The following MED9 variants were observed in gnomAD, a reference collection of about 807,000 sequenced individuals.
The protein encoded by MED9 is mediator complex subunit 9.
In MED9, 8 loss-of-function variants were observed where a neutral mutation model predicts 13.2. The observed-to-expected ratio is 0.61, with a 90% CI of 0.36 to 1.10. The LOEUF (loss-of-function observed/expected upper bound fraction) is 1.10, where lower values mean the gene tolerates loss of function less well. Ranked by LOEUF, MED9 falls within the 50% of genes least tolerant of loss-of-function variation. MED9 has a pLI of 0.02. For missense variants in MED9, 180 were observed against 193.4 expected (o/e 0.93, Z 0.41); for synonymous variants, 87 against 82.8 (o/e 1.05, Z -0.28).
intron 1 of MED9, among the ~76,000 whole-genome samples, chr17:17,479,949 G>A (rs1905002653): frequency 6.6e-6 from 1 of 152,158 alleles, no homozygotes; most frequent in Admixed American, 6.5e-5. Context: ...CTAGTGCAAG[G>A]ACCCCCTGGA....
At chr17:17,491,214 T>A in intron 1 of MED9, 65 bp from the exon 2 acceptor site, 1 of 1,413,392 alleles carries the variant, frequency 7.1e-7, no homozygotes. Context: ...CTCTAGGGGG[T>A]GCAGGGCAGG....
At chr17:17,484,858 C>G (rs1905097766) in intron 1 of MED9, among the ~76,000 whole-genome samples, 1 of 152,160 alleles carries the variant, frequency 6.6e-6, no homozygotes, top group African/African-American at 2.4e-5. Flanking sequence ...AAATGCCAGG[C>G]AAGCATTTAC....
In MED9 at chr17:17,492,801, G is replaced by A. The variant is rs1905266520; in HGVS notation, c.*1306G>A. ...GTTGGGTGGAGATGTTTTTAGCAGAGCTTCCATTAGTGTAGACCTGTAGCC... is the reference window on the plus strand; with the variant it reads ...GTTGGGTGGAGATGTTTTTAGCAGAACTTCCATTAGTGTAGACCTGTAGCC... On this transcript the variant is annotated 3_prime_UTR_variant, in exon 2 of 2. Transcript: ENST00000268711. 6.6e-6 allele frequency: 1 copy of A among 152,294 alleles called. No individual in the cohort carries two copies. Among genetic ancestry groups the A allele is most frequent in the African/African-American group, 2.4e-5 (1 of 41,460 alleles). 9.4% of individuals were successfully genotyped at this position (152,294 alleles called of 1,614,324 possible).
intron 1 of MED9, among the ~76,000 whole-genome samples, chr17:17,481,248 C>G (rs910688452): frequency 6.6e-6 from 1 of 152,204 alleles, no homozygotes; most frequent in Admixed American, 6.5e-5. Flanking sequence ...CTCTCTGGCC[C>G]TGGGTCCCTT....
At chr17:17,489,539 G>A (rs1254463621) in intron 1 of MED9, among the ~76,000 whole-genome samples, 2 of 152,022 alleles carry the variant, frequency 1.3e-5, no homozygotes, top group African/African-American at 2.4e-5. Flanking sequence ...AATTCGTAAC[G>A]GTATGTTAAC....
Position 17,490,865 on chromosome 17 carries a change from T to C in MED9, c.225-414T>C, listed in dbSNP as rs1597852915. Among the ~76,000 whole-genome samples the C allele has an allele frequency of 3.3e-5, 5 of 152,256 alleles. No homozygotes were observed. In the South Asian group the frequency reaches 8.3e-4, roughly 25 times the overall value. ...TGGCATTTGTCACCTGATATTGGTA[T>C]TGGTTTGTTCATTGAACCAACATGT... On this transcript the variant is annotated intron_variant, in intron 1 of 1. Transcript: ENST00000268711.
chr17:17,488,968 C>G (rs1269238589), intron 1 of MED9, among the ~76,000 whole-genome samples: 1 of 152,208 alleles, frequency 6.6e-6, no homozygotes, highest in Non-Finnish European at 1.5e-5. Context: ...TGGCCGATGA[C>G]TAACCTTGAA....
In MED9 at chr17:17,477,177, T is replaced by C; in HGVS notation, c.136T>C (p.Ser46Pro). The change falls in exon 1 of 2, where the codon TCG (serine) becomes CCG (proline). Residue 46 changes from serine (S) to proline (P), a missense_variant. Physicochemically the swap from Ser to Pro is moderately conservative, Grantham distance 74. Coordinates refer to ENST00000268711, the MANE Select transcript of MED9 (RefSeq NM_018019.3). ...PPVPAPQPQQ[S>P]PAPRPQSPAR... The stretch of plus-strand genomic sequence containing the variant: ...GGTCCCTGCGCCTCAACCGCAGCAG[T>C]CGCCGGCGCCACGGCCTCAGTCACC... 3 of 1,610,192 alleles carry C rather than the reference T, an allele frequency of 1.9e-6. No homozygotes were observed. The highest frequency in any genetic ancestry group is 2.2e-5 in the East Asian group (1 of 44,788).
In MED9 at chr17:17,477,201, C is replaced by T. The variant is rs1364866648; in HGVS notation, c.160C>T (p.Pro54Ser). The T allele has an allele frequency of 6.2e-7, 1 of 1,610,662 alleles. No homozygotes were observed. Among genetic ancestry groups the T allele is most frequent in the Non-Finnish European group, 8.5e-7 (1 of 1,178,174 alleles). ...QQSPAPRPQSPARAREEENYS... is the reference protein window; with the variant it reads ...QQSPAPRPQSSARAREEENYS... ...GTCGCCGGCGCCACGGCCTCAGTCA[C>T]CTGCCCGCGCGAGGGAGGAAGAGAA... Residue 54 changes from proline to serine, a missense_variant, in exon 1 of 2, where the codon CCT becomes TCT. Pro to Ser is a moderately conservative substitution (Grantham distance 74, BLOSUM62 -1). Transcript: ENST00000268711.
intron 1 of MED9, among the ~76,000 whole-genome samples, chr17:17,490,633 C>T (rs1483534012): frequency 6.6e-6 from 1 of 152,202 alleles, no homozygotes; most frequent in East Asian, 1.9e-4. Context: ...AGAAGAGAGC[C>T]TGTGTCTGCT....
chr17:17,481,738 T>C (rs1905036559), intron 1 of MED9, among the ~76,000 whole-genome samples: 2 of 152,250 alleles, frequency 1.3e-5, no homozygotes. Flanking sequence ...TTATTCTTGC[T>C]ATTACCAGCA....
At position 17,491,296 on chromosome 17, in the gene MED9, C is replaced by T. The variant is rs773616685; in HGVS notation, c.242C>T (p.Pro81Leu). 1.6e-5 allele frequency: 26 copies of T among 1,613,288 alleles called. No homozygotes were observed. In the South Asian group the frequency reaches 2.0e-4, roughly 12 times the overall value. The change falls in exon 2 of 2, where the codon CCG becomes CTG. Residue 81 changes from proline (P) to leucine (L), a missense_variant. Physicochemically the swap from Pro to Leu is moderately conservative, Grantham distance 98. Coordinates refer to ENST00000268711, the MANE Select transcript of MED9 (RefSeq NM_018019.3). ...NIIKCMDKDS[P>L]EVHQDLNALK... ...CCCCACAGCATGGACAAGGACAGCCCGGAGGTCCACCAGGACCTGAACGCC... is the reference window on the plus strand; with the variant it reads ...CCCCACAGCATGGACAAGGACAGCCTGGAGGTCCACCAGGACCTGAACGCC...
At chr17:17,480,655 G>T (rs549850491) in intron 1 of MED9, among the ~76,000 whole-genome samples, 2 of 152,004 alleles carry the variant, frequency 1.3e-5, no homozygotes, top group East Asian at 3.9e-4. Context: ...CTGTCTCAAA[G>T]AAGAAAGAAA....
rs141014769 is a variant in MED9, at chr17:17,484,305, G to A, written c.225-6974G>A. 3.6e-3 allele frequency among the ~76,000 whole-genome samples: 547 copies of A among 152,360 alleles called. 1 individual carries two copies. The highest frequency in any genetic ancestry group is 0.013 in the African/African-American group (523 of 41,582). On this transcript the variant is annotated intron_variant, in intron 1 of 1. Coordinates refer to ENST00000268711, the MANE Select transcript of MED9 (RefSeq NM_018019.3). Reference sequence around the variant, plus strand: ...TCTTTACAAGGTCTAAGGCTGCTAGGTAGGTAGAGGGGAGCCGTCCTTGCC... The same window carrying A: ...TCTTTACAAGGTCTAAGGCTGCTAGATAGGTAGAGGGGAGCCGTCCTTGCC...
intron 1 of MED9, among the ~76,000 whole-genome samples, chr17:17,480,582 G>A (rs1905016128): frequency 6.6e-6 from 1 of 152,210 alleles, no homozygotes; most frequent in South Asian, 2.1e-4. Context: ...CTTGAACCCA[G>A]GGAGCTGAGG....
At position 17,491,416 on chromosome 17, in the gene MED9, T is replaced by G. The variant is rs1905225087; in HGVS notation, c.362T>G (p.Leu121Arg). The change falls in exon 2 of 2, where the codon CTC becomes CGC. Residue 121 changes from leucine (L) to arginine (R), a missense_variant. Leu to Arg is a moderately radical substitution (Grantham distance 102). Coordinates refer to ENST00000268711, the MANE Select transcript of MED9 (RefSeq NM_018019.3). ...PEQQQQQLQS[L>R]REQVRTKNEL... ...CAGCAGCAGCAGCAGCTGCAGAGCC[T>G]CCGGGAGCAAGTCAGGACCAAGAAT... is the stretch of plus-strand genomic sequence containing the variant. The G allele has an allele frequency of 6.2e-7, 1 of 1,613,882 alleles. No individual in the cohort carries two copies. Among genetic ancestry groups the G allele is most frequent in the African/African-American group, 1.3e-5 (1 of 74,902 alleles).
chr17:17,489,851 A>G (rs1160232805), intron 1 of MED9, among the ~76,000 whole-genome samples: 4 of 152,208 alleles, frequency 2.6e-5, no homozygotes, highest in East Asian at 1.9e-4. Flanking sequence ...TGAGCTGGCC[A>G]TGGTGGCCAT....
intron 1 of MED9, among the ~76,000 whole-genome samples, chr17:17,480,355 A>G (rs1409534951): frequency 1.3e-5 from 2 of 152,202 alleles, no homozygotes; most frequent in East Asian, 1.9e-4. Flanking sequence ...GGAAAAAAAA[A>G]AAGCCTAGTC....
chr17:17,477,524 G>T, intron 1 of MED9: 1 of 463,360 alleles, frequency 2.2e-6, no homozygotes, highest in Non-Finnish European at 3.8e-6. Context: ...CTTGTCCAGC[G>T]GCTCAAATGT....
Sources: gnomAD v4.1 joint callset for allele counts (sites outside exome capture counted in the v4.1 genomes callset) on GRCh38, gnomAD v4.1.1 for gene constraint, MANE v1.5 for transcripts, NCBI Gene and HGNC (gene_info 2026-07-23, HGNC 2026-07-21) for gene names.